SNTB2: variants seen among roughly 807,000 people sequenced by gnomAD.
The protein encoded by SNTB2 is beta-2-syntrophin.
SNTB2 carries 34 observed loss-of-function variants against 46.2 expected under a neutral mutation model. The ratio of observed to expected loss-of-function variants is 0.74; its 90% confidence interval spans 0.56 to 0.98. The LOEUF (loss-of-function observed/expected upper bound fraction) is 0.98. Among genes scored for constraint, SNTB2 ranks in the 50% least tolerant of loss-of-function variants. SNTB2 has a pLI of 0.00. For missense variants in SNTB2, 603 were observed against 731.4 expected, an observed-to-expected ratio of 0.82 and a Z score of 2.02; for synonymous variants, 290 against 312.6, an observed-to-expected ratio of 0.93 and a Z score of 0.76.
At chr16:69,210,364 A>G (rs1964270637) in intron 1 of SNTB2, among the ~76,000 whole-genome samples, 1 of 148,510 alleles carries the variant, frequency 6.7e-6, no homozygotes. Flanking sequence ...CGGCCTCCCA[A>G]GTAGCTGGGA....
intron 3 of SNTB2, among the ~76,000 whole-genome samples, chr16:69,265,136 C>G (rs1358137200): frequency 1.3e-5 from 2 of 152,062 alleles, no homozygotes; most frequent in Non-Finnish European, 1.5e-5. Context: ...GTACTCCCAG[C>G]TACTGGGGAG....
At position 69,307,514 on chromosome 16, in the gene SNTB2, A is replaced by T. The variant is rs1309850958; in HGVS notation, c.*6590A>T. ...ATAAATGAGAAAGTCTTTCTTAAAA[A>T]ATGCTTCTTTAACTGTAACAGCAAA... On this transcript the variant is annotated 3_prime_UTR_variant, in exon 7 of 7. Coordinates refer to ENST00000336278, the MANE Select transcript of SNTB2 (RefSeq NM_006750.4). 1 of 148,068 alleles carries T rather than the reference A, an allele frequency of 6.8e-6. No individual in the cohort carries two copies. Among genetic ancestry groups the T allele is most frequent in the East Asian group, 1.9e-4 (1 of 5,196 alleles). The allele number at this position is 148,068 out of a possible 1,614,324, so 9.2% of individuals were successfully genotyped here.
chr16:69,213,877 C>T (rs569242881), intron 1 of SNTB2, among the ~76,000 whole-genome samples: 20 of 125,432 alleles, frequency 1.6e-4, no homozygotes, highest in African/African-American at 6.1e-4. Flanking sequence ...GGCTAGAGTG[C>T]GGTGGCATGA....
At chr16:69,277,727 C>T (rs1964995912) in intron 4 of SNTB2, among the ~76,000 whole-genome samples, 1 of 152,164 alleles carries the variant, frequency 6.6e-6, no homozygotes, top group Admixed American at 6.6e-5. Flanking sequence ...TTAAGCTAGA[C>T]ATTAAAGAGA....
chr16:69,211,132 A>T (rs962695298), intron 1 of SNTB2, among the ~76,000 whole-genome samples: 1 of 152,094 alleles, frequency 6.6e-6, no homozygotes, highest in Admixed American at 6.6e-5. Context: ...AAATTTTTAA[A>T]ATTTAATGGG....
At chr16:69,235,225 C>T (rs188712574) in intron 1 of SNTB2, among the ~76,000 whole-genome samples, 2 of 151,822 alleles carry the variant, frequency 1.3e-5, no homozygotes, top group South Asian at 2.1e-4. Context: ...CATGAGCCAC[C>T]GTTCCCGGAC....
chr16:69,220,931 C>T (rs1411558990), intron 1 of SNTB2, among the ~76,000 whole-genome samples: 2 of 152,164 alleles, frequency 1.3e-5, no homozygotes, highest in African/African-American at 4.8e-5. Flanking sequence ...CTGTTCCTCA[C>T]TTGTAGTTAG....
intron 1 of SNTB2, among the ~76,000 whole-genome samples, chr16:69,203,261 G>A (rs2152290367): frequency 6.6e-6 from 1 of 151,984 alleles, no homozygotes; most frequent in African/African-American, 2.4e-5. Context: ...CAGGTGATCT[G>A]CCCACCTCAG....
At chr16:69,200,904 T>C (rs558091177) in intron 1 of SNTB2, among the ~76,000 whole-genome samples, 1 of 152,346 alleles carries the variant, frequency 6.6e-6, no homozygotes, top group African/African-American at 2.4e-5. Context: ...AGTTGAGAGA[T>C]CCTCATTATT....
intron 1 of SNTB2, among the ~76,000 whole-genome samples, chr16:69,193,708 G>A (rs1459402940): frequency 2.6e-5 from 4 of 152,156 alleles, no homozygotes; most frequent in Non-Finnish European, 5.9e-5. Flanking sequence ...CCTTATTCAA[G>A]GCTCTTTGGG....
Position 69,301,966 on chromosome 16 carries a change from G to A in SNTB2, c.*1042G>A, listed in dbSNP as rs1407207272. ...AATCCTAAAGAGCCAGCCTGCTTGA[G>A]GAGTAGACTTGGTGGGTGAAGCCAG... On this transcript the variant is annotated 3_prime_UTR_variant, in exon 7 of 7. Transcript: ENST00000336278. 2 of 152,226 alleles carry A rather than the reference G, an allele frequency of 1.3e-5. No homozygotes were observed. Among genetic ancestry groups the A allele is most frequent in the Non-Finnish European group, 1.5e-5 (1 of 68,030 alleles). 9.4% of individuals were successfully genotyped at this position (152,226 alleles called of 1,614,324 possible). A position where few individuals can be genotyped will look rare whatever the true frequency, so the allele number is the denominator to read the frequency against.
intron 5 of SNTB2, among the ~76,000 whole-genome samples, chr16:69,284,811 G>A (rs891158208): frequency 6.6e-6 from 1 of 151,952 alleles, no homozygotes; most frequent in Non-Finnish European, 1.5e-5. Flanking sequence ...CCTGAGGGTG[G>A]TGGTGTGCAT....
chr16:69,254,112 G>T (rs17691749), intron 2 of SNTB2, among the ~76,000 whole-genome samples: 18,003 of 152,076 alleles, frequency 0.12, 1,219 homozygotes, highest in Middle Eastern at 0.21. Context: ...AAAATAGTCA[G>T]CCTGATATAC....
At chr16:69,272,661 G>A (rs1356269000) in intron 4 of SNTB2, among the ~76,000 whole-genome samples, 1 of 151,736 alleles carries the variant, frequency 6.6e-6, no homozygotes, top group Non-Finnish European at 1.5e-5. Flanking sequence ...GGAGGCCAAG[G>A]CAGGTTGATC....
intron 1 of SNTB2, among the ~76,000 whole-genome samples, chr16:69,243,442 T>C (rs963872281): frequency 5.3e-5 from 8 of 152,206 alleles, no homozygotes; most frequent in Non-Finnish European, 1.2e-4. Context: ...AAATTGTATG[T>C]GTATGTCTGT....
chr16:69,197,765 A>C (rs559584638), intron 1 of SNTB2, among the ~76,000 whole-genome samples: 2 of 152,178 alleles, frequency 1.3e-5, no homozygotes, highest in African/African-American at 4.8e-5. Flanking sequence ...TTTTGCTGTA[A>C]TTGTTGGCCA....
chr16:69,250,389 A>G (rs1212220911), intron 2 of SNTB2, among the ~76,000 whole-genome samples: 1 of 152,240 alleles, frequency 6.6e-6, no homozygotes, highest in Non-Finnish European at 1.5e-5. Context: ...TGGTCAAGCT[A>G]CTTGTTTTCC....
At chr16:69,230,014 T>C (rs866570009) in intron 1 of SNTB2, among the ~76,000 whole-genome samples, 1 of 152,038 alleles carries the variant, frequency 6.6e-6, no homozygotes, top group South Asian at 2.1e-4. Context: ...CTCGGACTCT[T>C]GGCCTGAAGC....
chr16:69,199,843 G>A (rs1290319654), intron 1 of SNTB2, among the ~76,000 whole-genome samples: 1 of 151,916 alleles, frequency 6.6e-6, no homozygotes, highest in African/African-American at 2.4e-5. Flanking sequence ...CCACTTTTTA[G>A]TGTGAAAAAT....
Sources: gnomAD v4.1 joint callset for allele counts (sites outside exome capture counted in the v4.1 genomes callset) on GRCh38, gnomAD v4.1.1 for gene constraint, MANE v1.5 for transcripts, NCBI Gene and HGNC (gene_info 2026-07-23, HGNC 2026-07-21) for gene names.